Variants in RPS6KA2 observed in about 807,000 individuals in gnomAD.
RPS6KA2 encodes the protein ribosomal protein S6 kinase alpha-2.
Under a neutral mutation model 91.8 loss-of-function variants are expected in RPS6KA2, and 42 were observed. That is an observed-to-expected ratio of 0.46 (90% CI 0.36 to 0.59). The LOEUF (loss-of-function observed/expected upper bound fraction) is 0.59, where lower values mean the gene tolerates loss of function less well. Among genes scored for constraint, RPS6KA2 ranks in the 20% least tolerant of loss-of-function variants. The pLI, the probability that RPS6KA2 is intolerant of heterozygous loss-of-function variation, is 0.00. For missense variants in RPS6KA2, 798 were observed against 978.5 expected (o/e 0.82, Z 2.46); for synonymous variants, 414 against 393.6 (o/e 1.05, Z -0.61).
intron 1 of RPS6KA2, among the ~76,000 whole-genome samples, chr6:166,596,990 G>C (rs1785554816): frequency 6.6e-6 from 1 of 152,214 alleles, no homozygotes; most frequent in Admixed American, 6.5e-5. Context: ...GAGCTGCAGA[G>C]AGAGGCCTGG....
At chr6:166,723,704 C>CTT (rs1249150694) in intron 2 of RPS6KA2, among the ~76,000 whole-genome samples, 21 of 139,638 alleles carry the variant, frequency 1.5e-4, no homozygotes, top group African/African-American at 3.8e-4. Flanking sequence ...CTTTTCTTTT[C>CTT]TTTTTTTTTT....
At chr6:166,581,406 C>T (rs558038698) in intron 1 of RPS6KA2, among the ~76,000 whole-genome samples, 1 of 152,096 alleles carries the variant, frequency 6.6e-6, no homozygotes, top group Admixed American at 6.6e-5. Context: ...GGTCAAAGTG[C>T]TTTGCTTCTC....
chr6:166,645,133 T>C (rs1483467086), intron 2 of RPS6KA2, among the ~76,000 whole-genome samples: 1 of 152,234 alleles, frequency 6.6e-6, no homozygotes, highest in Non-Finnish European at 1.5e-5. Context: ...ATGGCAGACC[T>C]AGAAAATGAA....
At chr6:166,782,154 T>A (rs900774875) in intron 2 of RPS6KA2, among the ~76,000 whole-genome samples, 2 of 152,034 alleles carry the variant, frequency 1.3e-5, no homozygotes, top group African/African-American at 4.8e-5. Context: ...TAGCCAGGTG[T>A]AGTGGTGAGC....
intron 2 of RPS6KA2, among the ~76,000 whole-genome samples, chr6:166,844,911 G>C (rs1780570374): frequency 6.6e-6 from 1 of 152,040 alleles, no homozygotes; most frequent in Admixed American, 6.5e-5. Flanking sequence ...ATAGCACAAT[G>C]AAAAGAATAG....
chr6:166,652,442 C>T (rs186757657), intron 2 of RPS6KA2, among the ~76,000 whole-genome samples: 2 of 152,164 alleles, frequency 1.3e-5, no homozygotes, highest in East Asian at 1.9e-4. Context: ...GGAGTTTGAT[C>T]GTTTGCACCT....
intron 2 of RPS6KA2, among the ~76,000 whole-genome samples, chr6:166,785,176 C>T (rs1054839705): frequency 6.6e-6 from 1 of 152,258 alleles, no homozygotes; most frequent in African/African-American, 2.4e-5. Flanking sequence ...CAGTCTCATT[C>T]TGAAATAAGA....
intron 1 of RPS6KA2, among the ~76,000 whole-genome samples, chr6:166,860,547 A>T (rs1346202100): frequency 6.6e-6 from 1 of 152,190 alleles, no homozygotes; most frequent in Non-Finnish European, 1.5e-5. Flanking sequence ...GGCTTTGGTC[A>T]CTGGAAATAA....
At chr6:166,538,346 C>A (rs2128494531) in intron 2 of RPS6KA2, among the ~76,000 whole-genome samples, 1 of 152,240 alleles carries the variant, frequency 6.6e-6, no homozygotes, top group Admixed American at 6.5e-5. Flanking sequence ...TGCTAGAATG[C>A]ACTTTCAAAG....
chr6:166,437,227 G>A lies in RPS6KA2; in HGVS notation c.1333-4737C>T, dbSNP rs1779353188. Among the ~76,000 whole-genome samples the A allele has an allele frequency of 6.6e-6, 1 of 152,126 alleles. No individual in the cohort carries two copies. The highest frequency in any genetic ancestry group is 2.1e-4 in the South Asian group (1 of 4,818). On this transcript the variant is annotated intron_variant, in intron 14 of 20. Coordinates refer to ENST00000265678, the MANE Select transcript of RPS6KA2 (RefSeq NM_021135.6). This position sits in a 1 kb window ranked among gnomAD's most constrained non-coding sequence, Gnocchi z 4.3. Reference sequence around the variant, plus strand: ...ACCAGGGAGTGGGCCCCAAGTGCCTGCCAGCGCACTTCTTCTCTATGGGGT... The same window carrying A: ...ACCAGGGAGTGGGCCCCAAGTGCCTACCAGCGCACTTCTTCTCTATGGGGT...
Position 166,693,435 on chromosome 6 carries a change from G to T in RPS6KA2, c.124-154651C>A, listed in dbSNP as rs1040124842. Among the ~76,000 whole-genome samples, 19 of 152,276 alleles carry T rather than the reference G, an allele frequency of 1.2e-4. No individual in the cohort carries two copies. In the East Asian group the frequency reaches 2.7e-3, roughly 22 times the overall value. ...GCACATCAGCAGGGCCTCTACTAAA[G>T]AAATGGAAAAAAGGAGCGTCTCAGC... On this transcript the variant is annotated intron_variant, in intron 2 of 21. Transcript: ENST00000503859.
chr6:166,662,988 G>A lies in RPS6KA2; in HGVS notation c.124-124204C>T, dbSNP rs1013934159. Among the ~76,000 whole-genome samples the A allele has an allele frequency of 3.3e-4, 51 of 152,244 alleles. No homozygotes were observed. The highest frequency in any genetic ancestry group is 8.7e-4 in the African/African-American group (36 of 41,540). On this transcript the variant is annotated intron_variant, in intron 2 of 21. Transcript: ENST00000503859. This position sits in a 1 kb window ranked among gnomAD's most constrained non-coding sequence, Gnocchi z 4.3. Reference sequence around the variant, plus strand: ...CATCTGCAAGCAAGAGGAGAGCCACGGAAGACACCAGCCCCACCAAGACCT... The same window carrying A: ...CATCTGCAAGCAAGAGGAGAGCCACAGAAGACACCAGCCCCACCAAGACCT...
In RPS6KA2 at chr6:166,495,076, C is replaced by T. The variant is rs552983520; in HGVS notation, c.747+3432G>A. The stretch of plus-strand genomic sequence containing the variant: ...TTTGCCTGTGTGCAGCCAGTCACCA[C>T]GTGGGCGGGCGGCACTAAATGAGAA... On this transcript the variant is annotated intron_variant, in intron 8 of 20. Coordinates refer to ENST00000265678, the MANE Select transcript of RPS6KA2 (RefSeq NM_021135.6). The surrounding 1 kb of genome is among the most constrained non-coding windows in gnomAD (Gnocchi z 4.4). Among the ~76,000 whole-genome samples, 1 of 152,336 alleles carries T rather than the reference C, an allele frequency of 6.6e-6. No homozygotes were observed. Among genetic ancestry groups the T allele is most frequent in the East Asian group, 1.9e-4 (1 of 5,184 alleles).
chr6:166,762,722 C>T (rs1416627734), intron 2 of RPS6KA2, among the ~76,000 whole-genome samples: 2 of 152,150 alleles, frequency 1.3e-5, no homozygotes, highest in Non-Finnish European at 2.9e-5. Context: ...CCCATCCTGT[C>T]CACTCCCAGG....
intron 2 of RPS6KA2, among the ~76,000 whole-genome samples, chr6:166,755,137 A>G (rs1284682176): frequency 6.6e-6 from 1 of 152,230 alleles, no homozygotes; most frequent in Non-Finnish European, 1.5e-5. Context: ...AAAGCCGTGA[A>G]GGGTGGCTTG....
At chr6:166,802,045 C>T (rs967050297) in intron 2 of RPS6KA2, among the ~76,000 whole-genome samples, 2 of 152,016 alleles carry the variant, frequency 1.3e-5, no homozygotes, top group African/African-American at 4.8e-5. Flanking sequence ...ATCATGAGGT[C>T]AGGAGATCGA....
chr6:166,862,233 C>G, exon 1 of RPS6KA2: 4 of 1,611,400 alleles, frequency 2.5e-6, no homozygotes, highest in Non-Finnish European at 3.4e-6. Flanking sequence ...AACAGAGGCT[C>G]GGACCGGCAC....
At chr6:166,762,343 G>A (rs762882302) in intron 2 of RPS6KA2, among the ~76,000 whole-genome samples, 1 of 152,212 alleles carries the variant, frequency 6.6e-6, no homozygotes, top group African/African-American at 2.4e-5. Flanking sequence ...TGGTATGCAT[G>A]TGTGTGTTCA....
At chr6:166,496,845 TG>T (rs1781803768) in intron 8 of RPS6KA2, among the ~76,000 whole-genome samples, 1 of 152,214 alleles carries the variant, frequency 6.6e-6, no homozygotes, top group Admixed American at 6.5e-5. Context: ...GAATCTCTCC[TG>T]AAGCCACAGA....
Sources: gnomAD v4.1 joint callset for allele counts (sites outside exome capture counted in the v4.1 genomes callset) on GRCh38, gnomAD v4.1.1 for gene constraint, Gnocchi (gnomAD v3.1) non-coding constraint, MANE v1.5 for transcripts, NCBI Gene and HGNC (gene_info 2026-07-23, HGNC 2026-07-21) for gene names.